Variants in LOXHD1 observed in about 807,000 individuals in gnomAD.
LOXHD1 encodes lipoxygenase homology domain-containing protein 1.
A neutral mutation model predicts 248.2 loss-of-function variants in LOXHD1; 205 were observed. The observed-to-expected ratio is 0.83, with a 90% CI of 0.74 to 0.93. The LOEUF (loss-of-function observed/expected upper bound fraction) is 0.93. LOXHD1 is among the 40% of genes least tolerant of loss of function. The pLI, the probability that LOXHD1 is intolerant of heterozygous loss-of-function variation, is 0.00. For missense variants in LOXHD1, 2,930 were observed against 2,971.6 expected, an observed-to-expected ratio of 0.99 and a Z score of 0.33; for synonymous variants, 1,113 against 1,162.8, an observed-to-expected ratio of 0.96 and a Z score of 0.87.
intron 28 of LOXHD1, among the ~76,000 whole-genome samples, chr18:46,530,986 G>A (rs759838665): frequency 9.9e-5 from 15 of 152,076 alleles, no homozygotes; most frequent in Non-Finnish European, 2.2e-4. Context: ...TTATTACCTA[G>A]AGGGCGTCTC....
chr18:46,598,755 T>C (rs768398042), intron 8 of LOXHD1, among the ~76,000 whole-genome samples: 3 of 152,110 alleles, frequency 2.0e-5, no homozygotes, highest in Non-Finnish European at 2.9e-5. Flanking sequence ...AGACATGCAA[T>C]TTCTTTATCA....
At chr18:46,652,643 T>C (rs1568236246) in intron 1 of LOXHD1, among the ~76,000 whole-genome samples, 1 of 152,242 alleles carries the variant, frequency 6.6e-6, no homozygotes, top group Non-Finnish European at 1.5e-5. Flanking sequence ...ATATGCTCAC[T>C]TGTGACCCAG....
At chr18:46,589,458 C>T (rs1163991717) in intron 12 of LOXHD1, among the ~76,000 whole-genome samples, 1 of 152,170 alleles carries the variant, frequency 6.6e-6, no homozygotes, top group East Asian at 1.9e-4. Flanking sequence ...CTGTAGTACC[C>T]ATCACAGGTG....
At chr18:46,597,679 TCAC>T (rs2038277757) in intron 8 of LOXHD1, among the ~76,000 whole-genome samples, 4 of 152,094 alleles carry the variant, frequency 2.6e-5, no homozygotes, top group Admixed American at 2.6e-4. Flanking sequence ...ACTTCTCATT[TCAC>T]TCTAAAATCA....
At chr18:46,599,994 A>G (rs964806341) in intron 8 of LOXHD1, among the ~76,000 whole-genome samples, 1 of 152,200 alleles carries the variant, frequency 6.6e-6, no homozygotes, top group African/African-American at 2.4e-5. Context: ...ACTATTTTGG[A>G]AAACAACCTG....
At chr18:46,611,499 G>T (rs2038507962) in intron 5 of LOXHD1, among the ~76,000 whole-genome samples, 2 of 152,154 alleles carry the variant, frequency 1.3e-5, no homozygotes, top group Non-Finnish European at 2.9e-5. Flanking sequence ...AAGTCATGCA[G>T]GTTATAAGCA....
chr18:46,557,596 G>A, intron 20 of LOXHD1, 107 bp from the exon 21 acceptor site: 1 of 1,317,820 alleles, frequency 7.6e-7, no homozygotes, highest in Non-Finnish European at 1.1e-6. Context: ...GGCCAATGGT[G>A]AGACCCAAAG....
At chr18:46,556,053 T>A (rs987789310) in intron 21 of LOXHD1, among the ~76,000 whole-genome samples, 8 of 151,092 alleles carry the variant, frequency 5.3e-5, no homozygotes, top group Non-Finnish European at 1.2e-4. Context: ...TTTTTTGACA[T>A]GTGAAAATTA....
intron 16 of LOXHD1, 57 bp from the exon 17 acceptor site, chr18:46,566,506 T>A: frequency 1.4e-6 from 2 of 1,448,276 alleles, no homozygotes. Context: ...ACCTCCATGA[T>A]CCCATCCCTA....
chr18:46,606,586 A>T (rs538718513), intron 6 of LOXHD1, among the ~76,000 whole-genome samples: 1 of 152,272 alleles, frequency 6.6e-6, no homozygotes, highest in Admixed American at 6.5e-5. Context: ...GAAACAAATA[A>T]ATTTCATGTT....
At chr18:46,618,377 A>G (rs1382709113) in intron 4 of LOXHD1, 87 bp from the exon 5 acceptor site, 1 of 831,932 alleles carries the variant, frequency 1.2e-6, no homozygotes, top group Non-Finnish European at 2.0e-6. Context: ...CACCATCTAC[A>G]CTTACCCCCA....
intron 40 of LOXHD1, 37 bp downstream of exon 40, chr18:46,483,550 G>A: frequency 1.3e-6 from 2 of 1,551,126 alleles, no homozygotes; most frequent in East Asian, 4.9e-5. Flanking sequence ...CCATGCTGAG[G>A]GAGTGGCACT....
rs531747752 is a variant in LOXHD1, at chr18:46,514,364, C to T, written c.5399+3765G>A. ...CTTTCCTTCCTCTTCTCTCAGACCA[C>T]CATCATTCATGCTGTCCCCTGGGAC... is the stretch of plus-strand genomic sequence containing the variant. On this transcript the variant is annotated intron_variant, in intron 34 of 40. Transcript: ENST00000642948. Among the ~76,000 whole-genome samples, 480 of 152,242 alleles carry T rather than the reference C, an allele frequency of 3.2e-3. 2 individuals carry two copies. Among genetic ancestry groups the T allele is most frequent in the African/African-American group, 0.01 (428 of 41,534 alleles).
intron 28 of LOXHD1, among the ~76,000 whole-genome samples, chr18:46,530,833 GT>G (rs1281802776): frequency 6.6e-6 from 1 of 152,004 alleles, no homozygotes. Context: ...TAGCTTTATG[GT>G]TTCCTAATCT....
At chr18:46,633,351 G>T (rs1367030072) in intron 4 of LOXHD1, among the ~76,000 whole-genome samples, 1 of 152,142 alleles carries the variant, frequency 6.6e-6, no homozygotes, top group South Asian at 2.1e-4. Flanking sequence ...TTCAACAGGG[G>T]TGCCAAAACT....
At chr18:46,650,008 C>A (rs911952527) in intron 1 of LOXHD1, among the ~76,000 whole-genome samples, 1 of 152,074 alleles carries the variant, frequency 6.6e-6, no homozygotes, top group Admixed American at 6.6e-5. Context: ...AGGCTGGAGG[C>A]ATGTGCTCTA....
chr18:46,545,517 A>T (rs2036764027), intron 22 of LOXHD1, 96 bp from the exon 23 acceptor site: 1 of 852,840 alleles, frequency 1.2e-6, no homozygotes, highest in Non-Finnish European at 1.9e-6. Flanking sequence ...GGCTTCCTTG[A>T]TTCACTCCCT....
intron 13 of LOXHD1, 68 bp from the exon 14 acceptor site, chr18:46,577,935 C>T: frequency 6.6e-7 from 1 of 1,512,158 alleles, no homozygotes; most frequent in Non-Finnish European, 9.0e-7. Context: ...CAAGGGAAGA[C>T]ATAAGCTCAG....
At chr18:46,565,631 A>T (rs974654291) in intron 17 of LOXHD1, among the ~76,000 whole-genome samples, 1 of 152,188 alleles carries the variant, frequency 6.6e-6, no homozygotes, top group Non-Finnish European at 1.5e-5. Flanking sequence ...AGCCCCTCAT[A>T]TAAAATGGCA....
Sources: gnomAD v4.1 joint callset for allele counts (sites outside exome capture counted in the v4.1 genomes callset) on GRCh38, gnomAD v4.1.1 for gene constraint, MANE v1.5 for transcripts, NCBI Gene and HGNC (gene_info 2026-07-23, HGNC 2026-07-21) for gene names.